Variants in CEP63 observed in about 807,000 individuals in gnomAD.
The protein encoded by CEP63 is centrosomal protein of 63 kDa.
In CEP63, 84 loss-of-function variants were observed where a neutral mutation model predicts 89.1. The observed-to-expected ratio is 0.94, with a 90% CI of 0.79 to 1.13. CEP63 has a LOEUF of 1.13. CEP63 is among the 50% of genes most tolerant of loss of function. The probability of loss-of-function intolerance (pLI) is 0.00; values close to 1 mark genes in which losing one functional copy is unlikely to be tolerated. For missense variants in CEP63, 838 were observed against 813.3 expected (o/e 1.03, Z -0.37); for synonymous variants, 267 against 272.5 (o/e 0.98, Z 0.20).
At chr3:134,652,239 A>G in the CEP63 span, among the ~76,000 whole-genome samples, 1 of 152,276 alleles carries the variant, frequency 6.6e-6, no homozygotes, top group African/African-American at 2.4e-5. Context: ...CCTGGTGTAT[A>G]GAAAGTGGTC....
intron 10 of CEP63, among the ~76,000 whole-genome samples, chr3:134,549,462 A>C (rs1477556087): frequency 6.6e-6 from 1 of 152,178 alleles, no homozygotes; most frequent in African/African-American, 2.4e-5. Flanking sequence ...TCTAAAAGAC[A>C]TACACTCTGT....
At chr3:134,515,280 GA>G (rs1231714728) in intron 3 of CEP63, among the ~76,000 whole-genome samples, 1 of 152,152 alleles carries the variant, frequency 6.6e-6, no homozygotes, top group Non-Finnish European at 1.5e-5. Context: ...AAAAGGAACA[GA>G]GCTTATTAAG....
In CEP63 at chr3:134,544,636, TG is replaced by T. The variant is rs10662414; in HGVS notation, c.556-941del. On this transcript the variant is annotated intron_variant, in intron 6 of 14. Coordinates refer to ENST00000675561, the MANE Select transcript of CEP63 (RefSeq NM_001353108.3). Reference sequence around the variant, plus strand: ...CAGAATAATTACAACATGCTCTAGGTGGGGGGGGGAATTTAAACTACAAATT... The same window carrying T: ...CAGAATAATTACAACATGCTCTAGGTGGGGGGGGAATTTAAACTACAAATT... Among the ~76,000 whole-genome samples, 179 of 145,326 alleles carry T rather than the reference TG, an allele frequency of 1.2e-3. 1 individual carries two copies. The highest frequency in any genetic ancestry group is 4.3e-3 in the African/African-American group (167 of 39,116).
At chr3:134,778,931 ACT>A in the CEP63 span, among the ~76,000 whole-genome samples, 1 of 152,242 alleles carries the variant, frequency 6.6e-6, no homozygotes, top group South Asian at 2.1e-4. Flanking sequence ...CATGGTTGTT[ACT>A]CTAAGTTGGT....
At chr3:134,521,268 C>A (rs1271948478) in intron 3 of CEP63, among the ~76,000 whole-genome samples, 1 of 152,068 alleles carries the variant, frequency 6.6e-6, no homozygotes, top group Non-Finnish European at 1.5e-5. Flanking sequence ...ACTAATAATA[C>A]TAAGTTACTA....
chr3:134,567,467 C>A (rs868331231), downstream of CEP63, among the ~76,000 whole-genome samples: 1,600 of 133,128 alleles, frequency 0.012, no homozygotes, highest in Non-Finnish European at 0.015. Flanking sequence ...TCACTGTTAC[C>A]AAAAAAAAAA....
At chr3:134,768,152 C>T in the CEP63 span, among the ~76,000 whole-genome samples, 4 of 152,064 alleles carry the variant, frequency 2.6e-5, no homozygotes, top group African/African-American at 4.8e-5. Flanking sequence ...AAAGTGGAAT[C>T]GGAAGCATCA....
the CEP63 span, among the ~76,000 whole-genome samples, chr3:134,735,879 G>C: frequency 2.0e-5 from 3 of 152,094 alleles, no homozygotes; most frequent in African/African-American, 7.2e-5. Flanking sequence ...CCAGAGAAAA[G>C]GGTGGGGAAA....
chr3:134,714,642 C>G, the CEP63 span, among the ~76,000 whole-genome samples: 1 of 152,214 alleles, frequency 6.6e-6, no homozygotes, highest in African/African-American at 2.4e-5. Context: ...ACATTATCCA[C>G]TCCATCATGT....
chr3:134,717,972 A>G, the CEP63 span, among the ~76,000 whole-genome samples: 1 of 152,154 alleles, frequency 6.6e-6, no homozygotes, highest in Non-Finnish European at 1.5e-5. Flanking sequence ...TTTACTGACA[A>G]GTTTCTATTC....
intron 1 of CEP63, among the ~76,000 whole-genome samples, chr3:134,488,565 C>T (rs1339494459): frequency 1.3e-5 from 2 of 152,074 alleles, no homozygotes; most frequent in African/African-American, 4.8e-5. Flanking sequence ...GCCGAGATCA[C>T]ACCATTGCTC....
the CEP63 span, chr3:134,650,922 G>A: frequency 4.3e-6 from 7 of 1,613,258 alleles, no homozygotes; most frequent in African/African-American, 1.3e-5. Context: ...TCAGCAGCAT[G>A]TCGATAGATA....
chr3:134,500,801 G>A (rs1446189655), intron 2 of CEP63, among the ~76,000 whole-genome samples: 4 of 152,014 alleles, frequency 2.6e-5, no homozygotes, highest in Non-Finnish European at 4.4e-5. Context: ...TCGCTCTGTC[G>A]GTAGTTTTTT....
At chr3:134,620,444 G>A in the CEP63 span, among the ~76,000 whole-genome samples, 1 of 152,200 alleles carries the variant, frequency 6.6e-6, no homozygotes, top group Non-Finnish European at 1.5e-5. Flanking sequence ...TCTCTGTGGA[G>A]ATAAGACAGA....
the CEP63 span, among the ~76,000 whole-genome samples, chr3:134,730,954 A>G: frequency 6.6e-6 from 1 of 152,168 alleles, no homozygotes. Flanking sequence ...GGAAAAAGAT[A>G]TTTGCCAGGT....
downstream of CEP63, among the ~76,000 whole-genome samples, chr3:134,579,333 G>A (rs1958290926): frequency 6.6e-6 from 1 of 152,060 alleles, no homozygotes; most frequent in Non-Finnish European, 1.5e-5. Context: ...GAATTGCTGG[G>A]TTTATGTTTA....
At chr3:134,532,999 A>G (rs1950145014) in intron 5 of CEP63, 99 bp downstream of exon 5, 8 of 1,268,458 alleles carry the variant, frequency 6.3e-6, no homozygotes, top group South Asian at 3.6e-5. Flanking sequence ...ATTTTCTACT[A>G]TCTTAAGGAC....
chr3:134,579,555 G>T (rs1958295693), downstream of CEP63, among the ~76,000 whole-genome samples: 1 of 152,176 alleles, frequency 6.6e-6, no homozygotes, highest in African/African-American at 2.4e-5. Context: ...ACCTTTTCAT[G>T]TGCTTATTAG....
the CEP63 span, among the ~76,000 whole-genome samples, chr3:134,778,159 G>A: frequency 6.7e-6 from 1 of 148,344 alleles, no homozygotes; most frequent in African/African-American, 2.5e-5. Context: ...GTGCAGTGAT[G>A]TGATCTCAGC....
Sources: gnomAD v4.1 joint callset for allele counts (sites outside exome capture counted in the v4.1 genomes callset) on GRCh38, gnomAD v4.1.1 for gene constraint, MANE v1.5 for transcripts, NCBI Gene and HGNC (gene_info 2026-07-23, HGNC 2026-07-21) for gene names.